AMOT: variants seen among roughly 807,000 people sequenced by gnomAD.
AMOT encodes angiomotin.
AMOT carries 11 observed loss-of-function variants against 67.0 expected under a neutral mutation model. The ratio of observed to expected loss-of-function variants is 0.16; its 90% CI spans 0.10 to 0.27. The LOEUF is 0.27. Ranked by LOEUF, AMOT falls within the 10% of genes least tolerant of loss-of-function variation. The pLI is 1.00. For missense variants in AMOT, 753 were observed against 852.0 expected (o/e 0.88, Z 1.45); for synonymous variants, 326 against 321.4 (o/e 1.01, Z -0.15).
intron 9 of AMOT, among the ~76,000 whole-genome samples, chrX:112,791,454 G>C (rs187781744): frequency 8.9e-6 from 1 of 111,848 alleles, no homozygotes; most frequent in East Asian, 2.8e-4. Flanking sequence ...TCCTAGTCTT[G>C]ATTTTCATTC....
chrX:112,789,074 T>C (rs1365970202), intron 10 of AMOT, among the ~76,000 whole-genome samples: 1 of 111,095 alleles, frequency 9.0e-6, no homozygotes. Context: ...GAACCGTAGC[T>C]TTCTAGTATT....
At chrX:112,819,427 C>T in intron 4 of AMOT, 1 of 751,849 alleles carries the variant, frequency 1.3e-6, no homozygotes, top group Non-Finnish European at 1.6e-6. Context: ...ACAACCAGCT[C>T]TGCTCTGAAC....
At chrX:112,805,370 TACACACACACACACACACACACAC>T (rs55909349) in intron 7 of AMOT, among the ~76,000 whole-genome samples, 15 of 89,580 alleles carry the variant, frequency 1.7e-4, no homozygotes, top group African/African-American at 4.0e-5. Flanking sequence ...ATACAAAGAA[TACACACACACACACACACACACAC>T]ACACACACAC....
At chrX:112,795,847 A>T (rs893444197) in intron 8 of AMOT, among the ~76,000 whole-genome samples, 27 of 110,969 alleles carry the variant, frequency 2.4e-4, no homozygotes, top group African/African-American at 8.9e-4. Flanking sequence ...GTTGTCTGTT[A>T]CCTGTCTTCC....
chrX:112,834,143 A>G (rs746398058), intron 1 of AMOT, among the ~76,000 whole-genome samples: 1 of 111,560 alleles, frequency 9.0e-6, no homozygotes, highest in Non-Finnish European at 1.9e-5. Context: ...AGGCCACTAC[A>G]TTTTCTGATG....
chrX:112,796,593 A>G (rs2147792794), intron 8 of AMOT, among the ~76,000 whole-genome samples: 1 of 111,753 alleles, frequency 8.9e-6, no homozygotes, highest in South Asian at 3.7e-4. Context: ...GCTTTCTCCA[A>G]TTCTGTGTTT....
rs1230373502 is a variant in AMOT at position 112,805,096 on chromosome X, T to G, written c.1631-4A>C. ...TTCTCACGCTGGCTTTCTTTATCTG[T>G]CAGGACATTAAACATCAACACTGCC... On this transcript the variant is annotated splice_region_variant and splice_polypyrimidine_tract_variant and intron_variant, in intron 7 of 13. Transcript: ENST00000371959. 2.5e-6 allele frequency: 3 copies of G among 1,209,126 alleles called. No homozygotes were observed. The highest frequency in any genetic ancestry group is 3.4e-6 in the Non-Finnish European group (3 of 895,037).
intron 1 of AMOT, among the ~76,000 whole-genome samples, chrX:112,839,942 T>C (rs1364500710): frequency 9.0e-6 from 1 of 111,314 alleles, no homozygotes; most frequent in African/African-American, 3.3e-5. Flanking sequence ...ACCACACATC[T>C]CAAAGAGTAG....
At chrX:112,780,631 T>G (rs1339132863) in intron 12 of AMOT, 1 of 388,310 alleles carries the variant, frequency 2.6e-6, no homozygotes, top group Non-Finnish European at 4.5e-6. Context: ...TTATCTTCCT[T>G]GACACCCAAA....
Position 112,791,981 on chromosome X carries a change from G to T in AMOT, c.1777C>A (p.Leu593Met). ...QAKVVKLEEELKKKQVYVDKV... is the reference protein window; with the variant it reads ...QAKVVKLEEEMKKKQVYVDKV... ...TCAACGTACACTTGCTTCTTTTTCA[G>T]CTGGAAATCCATGTTGGGTAATTTG... is the stretch of plus-strand genomic sequence containing the variant. The change falls in exon 9 of 14, where the codon CTG becomes ATG. Residue 593 changes from leucine (L) to methionine (M), a missense_variant and splice_region_variant. By Grantham distance (15) the Leu-to-Met change is conservative. Around this residue, in one of 5 missense-constraint regions of AMOT, gnomAD observed 66 missense variants for 112.9 expected, o/e 0.58. Coordinates refer to ENST00000371959, the MANE Select transcript of AMOT (RefSeq NM_001113490.2). 1 of 1,210,227 alleles carries T rather than the reference G, an allele frequency of 8.3e-7. No homozygotes were observed. Among genetic ancestry groups the T allele is most frequent in the Non-Finnish European group, 1.1e-6 (1 of 894,620 alleles).
At chrX:112,836,201 T>C (rs924474643) in intron 1 of AMOT, among the ~76,000 whole-genome samples, 2 of 112,045 alleles carry the variant, frequency 1.8e-5, no homozygotes, top group Non-Finnish European at 3.8e-5. Flanking sequence ...GATTTCACCA[T>C]ACAGTGACTT....
chrX:112,804,909 C>G, intron 8 of AMOT, 38 bp downstream of exon 8: 1 of 1,127,005 alleles, frequency 8.9e-7, no homozygotes, highest in Non-Finnish European at 1.2e-6. Context: ...CCCAGCCCTC[C>G]CACCCCCAGG....
At chrX:112,800,071 A>T (rs1268037952) in intron 8 of AMOT, among the ~76,000 whole-genome samples, 7 of 110,588 alleles carry the variant, frequency 6.3e-5, no homozygotes, top group African/African-American at 2.3e-4. Flanking sequence ...CGTCTTACTA[A>T]ATACAAAAAA....
chrX:112,792,033 A>T, intron 8 of AMOT, 52 bp from the exon 9 acceptor site: 1 of 1,183,110 alleles, frequency 8.5e-7, no homozygotes, highest in Non-Finnish European at 1.1e-6. Context: ...ACAGCAAGCA[A>T]CAGGGTCAAT....
At chrX:112,782,797 G>A (rs1361566017) in intron 10 of AMOT, 135 bp from the exon 11 acceptor site, 1 of 832,939 alleles carries the variant, frequency 1.2e-6, no homozygotes, top group Non-Finnish European at 1.7e-6. Flanking sequence ...ATGGTTTCTG[G>A]GGAACTAACC....
intron 8 of AMOT, among the ~76,000 whole-genome samples, chrX:112,804,161 T>C (rs1022342174): frequency 4.5e-5 from 5 of 111,452 alleles, no homozygotes; most frequent in African/African-American, 1.6e-4. Context: ...TGCTTAATAG[T>C]TTGGGGGCCC....
chrX:112,780,938 G>C lies in AMOT; in HGVS notation c.2421C>G (p.Gly807=). The change falls in exon 12 of 14, where the codon GGC becomes GGG. Residue 807 remains glycine, a synonymous_variant. Coordinates refer to ENST00000371959, the MANE Select transcript of AMOT (RefSeq NM_001113490.2). ...GLLSHSSTLT[G]SPIMEEKRDD... ...CTCGCTTTTCTTCCATGATGGGGGA[G>C]CCAGTCAGGGTGGATGAGTGGGAGA... 6 of 1,211,974 alleles carry C rather than the reference G, an allele frequency of 5.0e-6. No individual in the cohort carries two copies. Among genetic ancestry groups the C allele is most frequent in the Non-Finnish European group, 6.7e-6 (6 of 895,582 alleles).
chrX:112,800,556 T>C (rs760415565), intron 8 of AMOT, among the ~76,000 whole-genome samples: 52 of 112,514 alleles, frequency 4.6e-4, no homozygotes, highest in Admixed American at 1.4e-3. Context: ...GAAAATTATT[T>C]TGGAGTATTA....
At chrX:112,813,612 C>T (rs991288687) in intron 5 of AMOT, among the ~76,000 whole-genome samples, 11 of 111,221 alleles carry the variant, frequency 9.9e-5, no homozygotes, top group Middle Eastern at 4.6e-3. Context: ...GTCCCTCTTC[C>T]CTGTCACTGG....
Sources: gnomAD v4.1 joint callset for allele counts (sites outside exome capture counted in the v4.1 genomes callset) on GRCh38, gnomAD v4.1.1 for gene constraint, gnomAD v4.1.1 regional missense constraint, MANE v1.5 for transcripts, NCBI Gene and HGNC (gene_info 2026-07-23, HGNC 2026-07-21) for gene names.